SCML1: variants seen among roughly 807,000 people sequenced by gnomAD.
The protein encoded by SCML1 is sex comb on midleg-like protein 1.
For synonymous variants in SCML1, 104 were observed against 103.6 expected, an observed-to-expected ratio of 1.00 and a Z score of -0.02; for missense variants, 137 against 258.1, an observed-to-expected ratio of 0.53 and a Z score of 3.22.
At position 17,754,172 on chromosome X, in the gene SCML1, C is replaced by G. The variant is rs2066741016; in HGVS notation, c.*780C>G. ...AACTACACTTTCATTGTTTGCATCT[C>G]TCTATGAAGATACGTCTGTCCAAAC... On this transcript the variant is annotated 3_prime_UTR_variant, in exon 8 of 8. Transcript: ENST00000380041. 9.0e-6 allele frequency: 1 copy of G among 111,474 alleles called. No homozygotes were observed. Among genetic ancestry groups the G allele is most frequent in the African/African-American group, 3.3e-5 (1 of 30,679 alleles). 9.2% of individuals were successfully genotyped at this position (111,474 alleles called of 1,213,427 possible). A position where few individuals can be genotyped will look rare whatever the true frequency, so the allele number is the denominator to read the frequency against.
chrX:17,748,019 G>A (rs991947929), intron 4 of SCML1, among the ~76,000 whole-genome samples: 2 of 111,228 alleles, frequency 1.8e-5, no homozygotes, highest in African/African-American at 6.5e-5. Flanking sequence ...CACCTGGGGG[G>A]CTTGTGAAAA....
intron 6 of SCML1, 139 bp downstream of exon 6, chrX:17,750,432 A>G: frequency 1.6e-6 from 1 of 629,961 alleles, no homozygotes; most frequent in East Asian, 3.6e-5. Context: ...CATATTTACA[A>G]GTAGCACTAT....
At chrX:17,750,316 C>T (rs760858222) in intron 6 of SCML1, 23 bp downstream of exon 6, 3 of 1,174,943 alleles carry the variant, frequency 2.6e-6, no homozygotes, top group Non-Finnish European at 3.4e-6. Flanking sequence ...AGGGAGAGCC[C>T]AATTTGGTAC....
In SCML1 at chrX:17,746,039, G is replaced by A. The variant is rs763133210; in HGVS notation, c.139G>A (p.Ala47Thr). The A allele has an allele frequency of 8.5e-6, 10 of 1,181,091 alleles. No individual in the cohort carries two copies. Among genetic ancestry groups the A allele is most frequent in the Non-Finnish European group, 1.1e-5 (10 of 874,333 alleles). The change falls in exon 4 of 8, where the codon GCA becomes ACA. Residue 47 changes from alanine (A) to threonine (T), a missense_variant. By Grantham distance (58) the Ala-to-Thr change is moderately conservative (BLOSUM62 0). Coordinates refer to ENST00000380041, the MANE Select transcript of SCML1 (RefSeq NM_001037540.3). ...GCAGGAACCGAATATTGTATCTGAC[G>A]CATCCTGTAATACTGAAGAGCAACT... ...VNKEPNIVSD[A>T]SCNTEEQLKT... is the part of the protein sequence containing the mutation.
chrX:17,739,568 G>T (rs770774293), intron 1 of SCML1, among the ~76,000 whole-genome samples: 4 of 110,955 alleles, frequency 3.6e-5, no homozygotes, highest in African/African-American at 1.3e-4. Context: ...TCAAGAATTG[G>T]CCAGGCGCGG....
At chrX:17,747,817 C>T (rs1313006591) in intron 4 of SCML1, among the ~76,000 whole-genome samples, 1 of 111,999 alleles carries the variant, frequency 8.9e-6, no homozygotes, top group Non-Finnish European at 1.9e-5. Flanking sequence ...CTCGAGAGAA[C>T]CCTGAGAGAG....
chrX:17,748,212 C>T (rs2066662100), intron 4 of SCML1, among the ~76,000 whole-genome samples: 1 of 111,651 alleles, frequency 9.0e-6, no homozygotes, highest in Non-Finnish European at 1.9e-5. Flanking sequence ...TTTTACTTGT[C>T]TCTCTCCCAG....
At chrX:17,749,206 C>T (rs2066678037) in intron 4 of SCML1, among the ~76,000 whole-genome samples, 194 bp from the exon 5 acceptor site, 1 of 112,203 alleles carries the variant, frequency 8.9e-6, no homozygotes, top group African/African-American at 3.2e-5. Context: ...ACTACTCTAG[C>T]TCAGCCTGTT....
chrX:17,737,617 C>A lies in SCML1; in HGVS notation c.-180C>A, dbSNP rs995928724. 2 of 111,473 alleles carry A rather than the reference C, an allele frequency of 1.8e-5. No individual in the cohort carries two copies. Among genetic ancestry groups the A allele is most frequent in the Non-Finnish European group, 3.8e-5 (2 of 52,942 alleles). 9.2% of individuals were successfully genotyped at this position (111,473 alleles called of 1,213,427 possible). A position where few individuals can be genotyped will look rare whatever the true frequency, so the allele number is the denominator to read the frequency against. ...GCTGTCGCCCATCGGAGAGGCAGGACTACTGCGAGCAGTTTTACCGCGACC... is the reference window on the plus strand; with the variant it reads ...GCTGTCGCCCATCGGAGAGGCAGGAATACTGCGAGCAGTTTTACCGCGACC... On this transcript the variant is annotated 5_prime_UTR_variant, in exon 1 of 8. Transcript: ENST00000380041.
chrX:17,750,332 C>T, intron 6 of SCML1, 39 bp downstream of exon 6: 3 of 1,143,816 alleles, frequency 2.6e-6, no homozygotes, highest in African/African-American at 1.8e-5. Flanking sequence ...GGTACATGCC[C>T]CTGAGATGAT....
chrX:17,746,461 C>T (rs1264653102), intron 4 of SCML1, among the ~76,000 whole-genome samples: 2 of 111,760 alleles, frequency 1.8e-5, no homozygotes, highest in Non-Finnish European at 3.8e-5. Flanking sequence ...TCAATGGAAA[C>T]AAAGTGGCAG....
At position 17,753,711 on chromosome X, in the gene SCML1, A is replaced by T. The variant is rs1429378775; in HGVS notation, c.*319A>T. 5.3e-5 allele frequency: 6 copies of T among 114,108 alleles called. No individual in the cohort carries two copies. Among genetic ancestry groups the T allele is most frequent in the Non-Finnish European group, 7.2e-5 (4 of 55,354 alleles). The allele number at this position is 114,108 out of a possible 1,213,427, so 9.4% of individuals were successfully genotyped here. On this transcript the variant is annotated 3_prime_UTR_variant, in exon 8 of 8. Coordinates refer to ENST00000380041, the MANE Select transcript of SCML1 (RefSeq NM_001037540.3). Reference sequence around the variant, plus strand: ...AAAAAAAACCCTTTGATTCTGGTTCATCTCGATACAGAGAACCAAAACAGC... The same window carrying T: ...AAAAAAAACCCTTTGATTCTGGTTCTTCTCGATACAGAGAACCAAAACAGC...
chrX:17,745,702 A>G, intron 3 of SCML1, 163 bp downstream of exon 3: 1 of 394,605 alleles, frequency 2.5e-6, no homozygotes, highest in East Asian at 4.2e-5. Flanking sequence ...CACTTAACCA[A>G]TTTACTTTCC....
intron 1 of SCML1, among the ~76,000 whole-genome samples, chrX:17,740,603 A>G (rs893879424): frequency 1.8e-5 from 2 of 111,938 alleles, no homozygotes; most frequent in African/African-American, 6.5e-5. Flanking sequence ...CCACAAGCCT[A>G]AGGTCTTAAT....
chrX:17,754,456 C>T lies in SCML1; in HGVS notation c.*1064C>T, dbSNP rs1301620224. 3 of 112,250 alleles carry T rather than the reference C, an allele frequency of 2.7e-5. No individual in the cohort carries two copies. Among genetic ancestry groups the T allele is most frequent in the East Asian group, 5.6e-4 (2 of 3,576 alleles). The allele number at this position is 112,250 out of a possible 1,213,427, so 9.3% of individuals were successfully genotyped here. ...AACAATCTGTAGATTGGTTTCCATA[C>T]AGGGAAGTTCTCCGTCCTATGCAAT... On this transcript the variant is annotated 3_prime_UTR_variant, in exon 8 of 8. Transcript: ENST00000380041.
chrX:17,751,847 A>C lies in SCML1; in HGVS notation c.736A>C (p.Ile246Leu), dbSNP rs770899062. 1 of 1,211,030 alleles carries C rather than the reference A, an allele frequency of 8.3e-7. No individual in the cohort carries two copies. ...TRSPVENDGY[I>L]EEGSITKHPS... ...GTCACCAGTTGAAAATGACGGTTAC[A>C]TAGAGGAAGGAAGCATCACTAAGCA... The change falls in exon 7 of 8, where the codon ATA becomes CTA. Residue 246 changes from isoleucine to leucine, a missense_variant. Coordinates refer to ENST00000380041, the MANE Select transcript of SCML1 (RefSeq NM_001037540.3).
At chrX:17,751,709 T>C in intron 6 of SCML1, 106 bp from the exon 7 acceptor site, 2 of 857,407 alleles carry the variant, frequency 2.3e-6, no homozygotes, top group South Asian at 5.1e-5. Context: ...TCACAGAAGG[T>C]TCCAACAAAG....
intron 1 of SCML1, among the ~76,000 whole-genome samples, chrX:17,740,084 T>G (rs979007947): frequency 9.0e-6 from 1 of 111,538 alleles, no homozygotes; most frequent in Non-Finnish European, 1.9e-5. Context: ...GGCATGATGC[T>G]GAGAGTTTAA....
intron 1 of SCML1, among the ~76,000 whole-genome samples, chrX:17,739,046 G>T (rs1314799095): frequency 8.9e-6 from 1 of 112,438 alleles, no homozygotes; most frequent in Non-Finnish European, 1.9e-5. Context: ...ATTTTTATGG[G>T]ATTTGAGATT....
Sources: allele counts gnomAD v4.1 joint callset (sites outside exome capture counted in the v4.1 genomes callset), GRCh38; gene constraint gnomAD v4.1.1; transcripts MANE v1.5; gene names NCBI Gene and HGNC (gene_info 2026-07-23, HGNC 2026-07-21).